The following DTNB variants were observed in gnomAD, a reference collection of about 807,000 sequenced individuals.
The protein encoded by DTNB is dystrobrevin beta.
DTNB carries 63 observed loss-of-function variants against 90.7 expected under a neutral mutation model. That is an observed-to-expected ratio of 0.69 (90% CI 0.57 to 0.86). The LOEUF (loss-of-function observed/expected upper bound fraction) is 0.86, where lower values mean the gene tolerates loss of function less well. Ranked by LOEUF, DTNB falls within the 40% of genes least tolerant of loss-of-function variation. The pLI is 0.00. For missense variants in DTNB, 744 were observed against 807.1 expected (o/e 0.92, Z 0.95); for synonymous variants, 277 against 286.7 (o/e 0.97, Z 0.34).
At chr2:25,379,224 G>A (rs993489273) in intron 20 of DTNB, 66 bp downstream of exon 20, 3 of 1,287,488 alleles carry the variant, frequency 2.3e-6, no homozygotes, top group Non-Finnish European at 2.0e-6. Context: ...CAGGAAGGGA[G>A]GGGAAGGGAA....
chr2:25,385,449 C>T (rs1006690471), intron 18 of DTNB, among the ~76,000 whole-genome samples: 10 of 152,124 alleles, frequency 6.6e-5, no homozygotes, highest in African/African-American at 1.7e-4. Flanking sequence ...AGAGGGATAC[C>T]GTGCCATGTG....
At chr2:25,462,677 T>A (rs575461416) in intron 10 of DTNB, among the ~76,000 whole-genome samples, 1 of 152,334 alleles carries the variant, frequency 6.6e-6, no homozygotes, top group South Asian at 2.1e-4. Context: ...GATACTCTTA[T>A]ATATCTTCTC....
chr2:25,600,321 T>C (rs1236214233), intron 5 of DTNB, among the ~76,000 whole-genome samples: 1 of 152,218 alleles, frequency 6.6e-6, no homozygotes, highest in African/African-American at 2.4e-5. Flanking sequence ...CTGGAGTAGA[T>C]GTCTGGAAAA....
At chr2:25,582,101 G>T (rs923788619) in intron 6 of DTNB, among the ~76,000 whole-genome samples, 1 of 152,112 alleles carries the variant, frequency 6.6e-6, no homozygotes, top group African/African-American at 2.4e-5. Context: ...TTTCAAGGGG[G>T]GAAAAAAGGT....
At chr2:25,496,007 A>G (rs2068747838) in intron 9 of DTNB, among the ~76,000 whole-genome samples, 1 of 152,236 alleles carries the variant, frequency 6.6e-6, no homozygotes, top group Admixed American at 6.5e-5. Context: ...TTTCTCAGGA[A>G]GGAAAAGTTT....
intron 3 of DTNB, among the ~76,000 whole-genome samples, chr2:25,634,341 T>G (rs1273667299): frequency 2.4e-5 from 2 of 84,414 alleles, no homozygotes; most frequent in African/African-American, 9.0e-5. Context: ...GGTGGGGGGG[T>G]CAGCCCCCCG....
In DTNB at chr2:25,477,612, A is replaced by G. The variant is rs367672433; in HGVS notation, c.1079+5184T>C. The stretch of plus-strand genomic sequence containing the variant: ...ATCATCAACAACTGAACAAAACAGA[A>G]TAGAAATAATTATTTCTATTTTTGA... On this transcript the variant is annotated intron_variant, in intron 10 of 20. Coordinates refer to ENST00000406818, the MANE Select transcript of DTNB (RefSeq NM_021907.5). Among the ~76,000 whole-genome samples, 24 of 152,338 alleles carry G rather than the reference A, an allele frequency of 1.6e-4. No homozygotes were observed. The East Asian group carries it at 2.7e-3, about 17-fold the overall frequency.
rs151039717 is a variant in DTNB, at chr2:25,586,064, TTC to T, written c.604-5240_604-5239del. 6.9e-3 allele frequency among the ~76,000 whole-genome samples: 1,045 copies of T among 152,334 alleles called. 10 individuals carry two copies. The highest frequency in any genetic ancestry group is 0.024 in the African/African-American group (1,001 of 41,568). On this transcript the variant is annotated intron_variant, in intron 6 of 20. Coordinates refer to ENST00000406818, the MANE Select transcript of DTNB (RefSeq NM_021907.5). ...CTTCAAATATTCTGAAATACTATAT[TTC>T]TCTCATTGCAAAGATTATTTCCTTT... is the stretch of plus-strand genomic sequence containing the variant.
At chr2:25,538,511 G>A (rs2080367148) in intron 8 of DTNB, among the ~76,000 whole-genome samples, 1 of 152,116 alleles carries the variant, frequency 6.6e-6, no homozygotes, top group African/African-American at 2.4e-5. Context: ...GAGTGCAATG[G>A]CGTGATCTCG....
At chr2:25,610,858 C>T (rs907364520) in intron 4 of DTNB, among the ~76,000 whole-genome samples, 1 of 152,122 alleles carries the variant, frequency 6.6e-6, no homozygotes. Flanking sequence ...TACAGGTGCA[C>T]ACCACCATGC....
intron 4 of DTNB, among the ~76,000 whole-genome samples, chr2:25,613,800 A>C (rs1354442675): frequency 6.6e-6 from 1 of 152,160 alleles, no homozygotes; most frequent in African/African-American, 2.4e-5. Flanking sequence ...TCTACTAAAA[A>C]TACAAAAATT....
chr2:25,544,426 T>C (rs1426092380), intron 8 of DTNB, among the ~76,000 whole-genome samples: 3 of 152,190 alleles, frequency 2.0e-5, no homozygotes, highest in Non-Finnish European at 4.4e-5. Context: ...GGCCCTGACA[T>C]TGGGAACATA....
intron 9 of DTNB, 51 bp from the exon 10 acceptor site, chr2:25,482,924 C>G: frequency 6.6e-7 from 1 of 1,520,218 alleles, no homozygotes; most frequent in Non-Finnish European, 8.9e-7. Context: ...CTAGGGGAAA[C>G]AAGGGAAACG....
chr2:25,653,910 T>G (rs542723784), intron 1 of DTNB, among the ~76,000 whole-genome samples: 53 of 152,182 alleles, frequency 3.5e-4, no homozygotes, highest in Non-Finnish European at 6.0e-4. Flanking sequence ...CTTCCCAATG[T>G]GCCTTTTACT....
At position 25,598,522 on chromosome 2, in the gene DTNB, G is replaced by C. The variant is rs530788021; in HGVS notation, c.449-2282C>G. ...AGCTTAGAAAGGTTAACTTGCTTAA[G>C]GTCAAAAAGTTCAGAGGCCAAATCA... On this transcript the variant is annotated intron_variant, in intron 5 of 20. Transcript: ENST00000406818. Among the ~76,000 whole-genome samples, 3 of 152,210 alleles carry C rather than the reference G, an allele frequency of 2.0e-5. No homozygotes were observed. The South Asian group carries it at 6.2e-4, about 32-fold the overall frequency.
intron 8 of DTNB, among the ~76,000 whole-genome samples, chr2:25,532,951 C>T (rs547439031): frequency 1.3e-5 from 2 of 152,294 alleles, no homozygotes; most frequent in Admixed American, 1.3e-4. Context: ...ATAATAAAGA[C>T]TAAATAATAC....
intron 4 of DTNB, among the ~76,000 whole-genome samples, chr2:25,610,185 A>C (rs937944372): frequency 6.6e-6 from 1 of 152,164 alleles, no homozygotes; most frequent in Non-Finnish European, 1.5e-5. Flanking sequence ...ATCACAGCAC[A>C]CTGCAGCCTC....
At chr2:25,484,639 G>A (rs2065760923) in intron 9 of DTNB, among the ~76,000 whole-genome samples, 3 of 152,172 alleles carry the variant, frequency 2.0e-5, no homozygotes, top group African/African-American at 7.2e-5. Flanking sequence ...GAGATGGAAA[G>A]TAATTTGCAG....
At chr2:25,581,596 G>T (rs1250351344) in intron 6 of DTNB, among the ~76,000 whole-genome samples, 1 of 152,176 alleles carries the variant, frequency 6.6e-6, no homozygotes, top group Non-Finnish European at 1.5e-5. Flanking sequence ...CACTGAAAGA[G>T]TATGTCCCAC....
Sources: allele counts gnomAD v4.1 joint callset (sites outside exome capture counted in the v4.1 genomes callset), GRCh38; gene constraint gnomAD v4.1.1; transcripts MANE v1.5; gene names NCBI Gene and HGNC (gene_info 2026-07-23, HGNC 2026-07-21).